Variants in PDE1C observed in about 807,000 individuals in gnomAD.
PDE1C encodes the protein dual specificity calcium/calmodulin-dependent 3',5'-cyclic nucleotide phosphodiesterase 1C.
Under a neutral mutation model 93.1 loss-of-function variants are expected in PDE1C, and 62 were observed. The observed-to-expected ratio is 0.67, with a 90% CI of 0.54 to 0.82. The LOEUF is 0.82. Among genes scored for constraint, PDE1C ranks in the 40% least tolerant of loss-of-function variants. The pLI is 0.00. For synonymous variants in PDE1C, 325 were observed against 310.1 expected, an observed-to-expected ratio of 1.05 and a Z score of -0.50; for missense variants, 742 against 884.6, an observed-to-expected ratio of 0.84 and a Z score of 2.04.
At chr7:32,391,825 G>A (rs1784756084) in intron 1 of PDE1C, among the ~76,000 whole-genome samples, 1 of 151,904 alleles carries the variant, frequency 6.6e-6, no homozygotes, top group Admixed American at 6.6e-5. Flanking sequence ...AAATTTGGAG[G>A]ATAAAGACAA....
At chr7:31,878,889 A>C (rs1796919703) in intron 4 of PDE1C, 107 bp downstream of exon 4, 2 of 1,092,216 alleles carry the variant, frequency 1.8e-6, no homozygotes, top group Non-Finnish European at 2.7e-6. Context: ...CACAATTTTC[A>C]GTATTTATAA....
At chr7:31,766,056 T>C (rs1237543948) in intron 17 of PDE1C, among the ~76,000 whole-genome samples, 1 of 152,308 alleles carries the variant, frequency 6.6e-6, no homozygotes, top group Admixed American at 6.5e-5. Flanking sequence ...CCTAATGTTG[T>C]CCTGATATTT....
intron 1 of PDE1C, among the ~76,000 whole-genome samples, chr7:32,384,898 G>A (rs1288305601): frequency 6.6e-6 from 1 of 152,150 alleles, no homozygotes; most frequent in Non-Finnish European, 1.5e-5. Context: ...AATGGTGCTG[G>A]TACATGAACC....
At position 31,755,577 on chromosome 7, in the gene PDE1C, AAAAC is replaced by A. The variant is rs1386667460; in HGVS notation, c.1961-2028_1961-2025del. 2.4e-4 allele frequency among the ~76,000 whole-genome samples: 36 copies of A among 147,554 alleles called. 1 individual carries two copies. Among genetic ancestry groups the A allele is most frequent in the African/African-American group, 8.6e-4 (32 of 37,374 alleles). ...GCCAGAAAATTTGAAGTGTTCAAAA[AAAAC>A]AAAACAAAACAAAACAAAAAACAAA... is the stretch of plus-strand genomic sequence containing the variant. On this transcript the variant is annotated intron_variant, in intron 17 of 17. Coordinates refer to ENST00000396191, the MANE Select transcript of PDE1C (RefSeq NM_001191057.4).
At chr7:31,963,682 G>C (rs1254048798) in intron 2 of PDE1C, among the ~76,000 whole-genome samples, 2 of 152,266 alleles carry the variant, frequency 1.3e-5, no homozygotes, top group East Asian at 3.9e-4. Context: ...GGTAGAGGGA[G>C]GAACAACTAG....
At chr7:31,616,800 G>GGTAGCATAAAAACATTAGA in the PDE1C span, among the ~76,000 whole-genome samples, 1 of 149,196 alleles carries the variant, frequency 6.7e-6, no homozygotes, top group Non-Finnish European at 1.5e-5. Flanking sequence ...TTCATTTTTT[G>GGTAGCATAAAAACATTAGA]GTAGCATAAA....
intron 3 of PDE1C, among the ~76,000 whole-genome samples, chr7:32,125,941 A>G (rs1799552335): frequency 6.6e-6 from 1 of 152,124 alleles, no homozygotes; most frequent in African/African-American, 2.4e-5. Flanking sequence ...ACATGCCTCA[A>G]GACACTGGAC....
the PDE1C span, among the ~76,000 whole-genome samples, chr7:31,706,898 T>C: frequency 6.6e-6 from 1 of 151,606 alleles, no homozygotes; most frequent in Non-Finnish European, 1.5e-5. Flanking sequence ...TGCAAAGCAA[T>C]TGGTTATTTT....
At chr7:31,924,967 C>G (rs1389006625) in intron 2 of PDE1C, among the ~76,000 whole-genome samples, 1 of 151,784 alleles carries the variant, frequency 6.6e-6, no homozygotes, top group Non-Finnish European at 1.5e-5. Flanking sequence ...TATGGCTCAA[C>G]CTGCCAGAGT....
the PDE1C span, among the ~76,000 whole-genome samples, chr7:31,641,646 T>C: frequency 3.9e-5 from 6 of 152,192 alleles, no homozygotes; most frequent in African/African-American, 1.4e-4. Context: ...CTTTGCCCTT[T>C]CTCTGCATGT....
chr7:32,245,880 C>T (rs1195361486), intron 1 of PDE1C, among the ~76,000 whole-genome samples: 1 of 152,118 alleles, frequency 6.6e-6, no homozygotes, highest in African/African-American at 2.4e-5. Context: ...GGACTCTGCC[C>T]TACTTATCCA....
intron 2 of PDE1C, among the ~76,000 whole-genome samples, chr7:32,194,798 T>C (rs141541106): frequency 6.6e-5 from 10 of 151,662 alleles, no homozygotes; most frequent in African/African-American, 2.4e-4. Context: ...AGGGCTTACA[T>C]CTTCTTTTAT....
At chr7:32,185,239 C>T (rs1803767619) in intron 2 of PDE1C, among the ~76,000 whole-genome samples, 1 of 126,678 alleles carries the variant, frequency 7.9e-6, no homozygotes, top group Non-Finnish European at 1.6e-5. Flanking sequence ...GAGCAAAACT[C>T]TGTCTCAGAA....
chr7:32,176,999 T>C (rs991006459), intron 2 of PDE1C, among the ~76,000 whole-genome samples: 1 of 152,180 alleles, frequency 6.6e-6, no homozygotes, highest in Non-Finnish European at 1.5e-5. Context: ...AATTCATAAA[T>C]GATAGACTAT....
At chr7:31,859,528 A>G (rs1794431475) in intron 7 of PDE1C, among the ~76,000 whole-genome samples, 1 of 151,494 alleles carries the variant, frequency 6.6e-6, no homozygotes, top group Admixed American at 6.6e-5. Flanking sequence ...GTTATATCCA[A>G]TATCCTAAAA....
chr7:31,789,544 T>C (rs898132580), intron 16 of PDE1C: 2 of 579,414 alleles, frequency 3.5e-6, no homozygotes, highest in Non-Finnish European at 4.3e-6. Flanking sequence ...AACATTCAGG[T>C]TTATACTAAT....
chr7:31,859,462 T>C (rs1225697883), intron 7 of PDE1C, among the ~76,000 whole-genome samples: 1 of 139,714 alleles, frequency 7.2e-6, no homozygotes, highest in Non-Finnish European at 1.6e-5. Flanking sequence ...ATATAAATAA[T>C]ATAAAGTTAT....
intron 1 of PDE1C, among the ~76,000 whole-genome samples, chr7:32,272,955 T>C (rs1192010723): frequency 1.3e-5 from 2 of 152,226 alleles, no homozygotes; most frequent in African/African-American, 2.4e-5. Context: ...AACAAGTATT[T>C]ATTAAGCATC....
At chr7:31,762,652 T>A (rs571751468) in intron 17 of PDE1C, among the ~76,000 whole-genome samples, 26 of 152,324 alleles carry the variant, frequency 1.7e-4, no homozygotes, top group African/African-American at 6.3e-4. Flanking sequence ...ATTACCTACA[T>A]TTTTAAAGAC....
Sources: allele counts gnomAD v4.1 joint callset (sites outside exome capture counted in the v4.1 genomes callset), GRCh38; gene constraint gnomAD v4.1.1; transcripts MANE v1.5; gene names NCBI Gene and HGNC (gene_info 2026-07-23, HGNC 2026-07-21).